The following RIMBP2 variants were observed in gnomAD, a reference collection of about 807,000 sequenced individuals.
RIMBP2 encodes RIMS binding protein 2.
A neutral mutation model predicts 118.6 loss-of-function variants in RIMBP2; 48 were observed. The ratio of observed to expected loss-of-function variants is 0.40; its 90% CI spans 0.32 to 0.51. The LOEUF (loss-of-function observed/expected upper bound fraction) is 0.51, where lower values mean the gene tolerates loss of function less well. Among genes scored for constraint, RIMBP2 ranks in the 20% least tolerant of loss-of-function variants. The probability of loss-of-function intolerance (pLI) is 0.41; values close to 1 mark genes in which losing one functional copy is unlikely to be tolerated. For missense variants in RIMBP2, 1,551 were observed against 1,768.3 expected, an observed-to-expected ratio of 0.88 and a Z score of 2.20; for synonymous variants, 762 against 742.9, an observed-to-expected ratio of 1.03 and a Z score of -0.42.
At chr12:130,467,514 C>T (rs1403790941) in intron 6 of RIMBP2, among the ~76,000 whole-genome samples, 1 of 152,232 alleles carries the variant, frequency 6.6e-6, no homozygotes, top group African/African-American at 2.4e-5. Flanking sequence ...CTAGCCACCA[C>T]ATTATCCTTA....
At chr12:130,649,105 T>C (rs910609808) in intron 1 of RIMBP2, among the ~76,000 whole-genome samples, 1 of 145,654 alleles carries the variant, frequency 6.9e-6, no homozygotes, top group East Asian at 1.9e-4. Flanking sequence ...TGGCGGCCGA[T>C]AGGCTCAGTC....
intron 6 of RIMBP2, among the ~76,000 whole-genome samples, chr12:130,464,409 A>T (rs2080272237): frequency 6.6e-6 from 1 of 152,164 alleles, no homozygotes; most frequent in African/African-American, 2.4e-5. Context: ...ACGTGATTTC[A>T]TTGATCACTG....
intron 18 of RIMBP2, 43 bp from the exon 19 acceptor site, chr12:130,412,830 G>C (rs1218763327): frequency 6.4e-7 from 1 of 1,553,402 alleles, no homozygotes; most frequent in South Asian, 1.2e-5. Context: ...GTAATTGATT[G>C]GTTCAGAAAT....
At chr12:130,509,746 G>T (rs2050728002) in intron 3 of RIMBP2, among the ~76,000 whole-genome samples, 1 of 146,060 alleles carries the variant, frequency 6.8e-6, no homozygotes, top group Admixed American at 6.7e-5. Flanking sequence ...CCCGGCAACA[G>T]CACCCACACC....
intron 1 of RIMBP2, among the ~76,000 whole-genome samples, chr12:130,629,047 C>A (rs1404405993): frequency 4.6e-5 from 7 of 152,200 alleles, no homozygotes; most frequent in African/African-American, 7.2e-5. Flanking sequence ...TATCAGTAGA[C>A]CTTCATGTTG....
intron 2 of RIMBP2, among the ~76,000 whole-genome samples, chr12:130,610,473 A>G (rs2060457170): frequency 6.6e-6 from 1 of 152,094 alleles, no homozygotes; most frequent in Admixed American, 6.5e-5. Flanking sequence ...AAACAAAAGG[A>G]TAAAAACTAA....
Position 130,517,812 on chromosome 12 carries a change from C to T in RIMBP2, c.-127+16G>A, listed in dbSNP as rs933149290. ...TCCAGGGCCCCAGATGGTCTGTGGA[C>T]AGTGGTATCAGCTACCTTGTCATGC... On this transcript the variant is annotated intron_variant, in intron 3 of 22. Transcript: ENST00000690449. The T allele has an allele frequency of 5.1e-6, 5 of 976,568 alleles. No homozygotes were observed. The highest frequency in any genetic ancestry group is 2.3e-4 in the East Asian group (2 of 8,778). The allele number at this position is 976,568 out of a possible 1,614,324, so 60.5% of individuals were successfully genotyped here. A position where few individuals can be genotyped will look rare whatever the true frequency, so the allele number is the denominator to read the frequency against.
rs1296925734 is a variant in RIMBP2 at position 130,475,966 on chromosome 12, G to A, written c.102+2946C>T. Reference sequence around the variant, plus strand: ...GCACAGTGGCATCGTCTGGCTTCCGGGTCTAAACCCGGGAGTTACCACGCA... The same window carrying A: ...GCACAGTGGCATCGTCTGGCTTCCGAGTCTAAACCCGGGAGTTACCACGCA... On this transcript the variant is annotated intron_variant, in intron 5 of 22. Transcript: ENST00000690449. This position sits in a 1 kb window ranked among gnomAD's most constrained non-coding sequence, Gnocchi z 4.1. 6.6e-6 allele frequency among the ~76,000 whole-genome samples: 1 copy of A among 152,018 alleles called. No individual in the cohort carries two copies. Among genetic ancestry groups the A allele is most frequent in the Non-Finnish European group, 1.5e-5 (1 of 68,024 alleles).
chr12:130,607,239 T>C (rs956418253), intron 2 of RIMBP2, among the ~76,000 whole-genome samples: 1 of 152,152 alleles, frequency 6.6e-6, no homozygotes. Flanking sequence ...AATCCTGTAA[T>C]GCACCTGGGC....
rs569439119 is a variant in RIMBP2 at position 130,450,463 on chromosome 12, C to T, written c.505-187G>A. On this transcript the variant is annotated intron_variant, in intron 8 of 22. Coordinates refer to ENST00000690449, the MANE Select transcript of RIMBP2 (RefSeq NM_001393629.1). The surrounding 1 kb of genome is among the most constrained non-coding windows in gnomAD (Gnocchi z 4.8). The stretch of plus-strand genomic sequence containing the variant: ...GAGCTTGGAAAGGAGGGTGGTCCCT[C>T]GGTGTGGACCCCTTATTACATAGGC... 2.6e-5 allele frequency among the ~76,000 whole-genome samples: 4 copies of T among 152,040 alleles called. No homozygotes were observed. The highest frequency in any genetic ancestry group is 3.4e-3 in the Middle Eastern group (1 of 294).
At chr12:130,626,900 C>T (rs1594092582) in intron 2 of RIMBP2, among the ~76,000 whole-genome samples, 1 of 151,724 alleles carries the variant, frequency 6.6e-6, no homozygotes, top group South Asian at 2.1e-4. Flanking sequence ...GCCGGCATCA[C>T]CACCATCTTC....
At position 130,649,236 on chromosome 12, in the gene RIMBP2, T is replaced by A. The variant is rs60603621; in HGVS notation, c.-351-20780A>T. 3.0e-3 allele frequency among the ~76,000 whole-genome samples: 345 copies of A among 116,106 alleles called. 24 individuals are homozygous for A. In the East Asian group the frequency reaches 0.06, roughly 20 times the overall value. The allele number at this position is 116,106 out of a possible 152,430, so 76.2% of individuals were successfully genotyped here. On this transcript the variant is annotated intron_variant, in intron 1 of 22. Transcript: ENST00000690449. Reference sequence around the variant, plus strand: ...CTGCAAAGCCAGCCTCTAGGCCAAGTAAGGCGCTGGAATGTGGGGCTTGCT... The same window carrying A: ...CTGCAAAGCCAGCCTCTAGGCCAAGAAAGGCGCTGGAATGTGGGGCTTGCT...
At chr12:130,468,002 C>T (rs1186702248) in intron 6 of RIMBP2, among the ~76,000 whole-genome samples, 1 of 152,158 alleles carries the variant, frequency 6.6e-6, no homozygotes, top group Non-Finnish European at 1.5e-5. Context: ...TCTGGCTGAG[C>T]ATGGAAGCAG....
chr12:130,675,272 A>G (rs2064401256), intron 1 of RIMBP2, among the ~76,000 whole-genome samples: 1 of 151,936 alleles, frequency 6.6e-6, no homozygotes, highest in African/African-American at 2.4e-5. Flanking sequence ...GCTTCTACCT[A>G]AGGCCAACCA....
In RIMBP2 at chr12:130,428,092, G is replaced by C. The variant is rs1365241970; in HGVS notation, c.2412+87C>G. On this transcript the variant is annotated intron_variant, in intron 15 of 22. Coordinates refer to ENST00000690449, the MANE Select transcript of RIMBP2 (RefSeq NM_001393629.1). The stretch of plus-strand genomic sequence containing the variant: ...CTGGTTGTAGGGCAAGGCCCCTCTG[G>C]AGCCTGCCTCACCAGCCCCAGCAAA... The C allele has an allele frequency of 2.2e-6, 3 of 1,335,866 alleles. No homozygotes were observed. The African/African-American group carries it at 4.5e-5, about 20-fold the overall frequency. The allele number at this position is 1,335,866 out of a possible 1,614,324, so 82.8% of individuals were successfully genotyped here.
At position 130,448,349 on chromosome 12, in the gene RIMBP2, G is replaced by A. The variant is rs138445281; in HGVS notation, c.581+1851C>T. On this transcript the variant is annotated intron_variant, in intron 9 of 22. Coordinates refer to ENST00000690449, the MANE Select transcript of RIMBP2 (RefSeq NM_001393629.1). The stretch of plus-strand genomic sequence containing the variant: ...GAAAAGCCATGCCCTCTCCATAGAA[G>A]TGGCAGGAACGCAAACCCAGTGGCC... Among the ~76,000 whole-genome samples the A allele has an allele frequency of 1.1e-4, 17 of 152,308 alleles. 1 individual carries two copies. In the East Asian group the frequency reaches 3.3e-3, roughly 30 times the overall value.
At chr12:130,428,614 C>A (rs1323250370) in intron 14 of RIMBP2, 1 of 304,526 alleles carries the variant, frequency 3.3e-6, no homozygotes, top group Non-Finnish European at 6.0e-6. Flanking sequence ...AGAAAACCCA[C>A]TGGGGCTTAC....
At chr12:130,568,759 G>C (rs562403315) in intron 2 of RIMBP2, among the ~76,000 whole-genome samples, 78 of 152,266 alleles carry the variant, frequency 5.1e-4, no homozygotes, top group African/African-American at 1.8e-3. Context: ...TAAATGATTT[G>C]ATACACGCTA....
chr12:130,480,367 C>A (rs2081873067), intron 4 of RIMBP2, among the ~76,000 whole-genome samples: 1 of 152,118 alleles, frequency 6.6e-6, no homozygotes. Context: ...GGAGCTGCCC[C>A]TTCCGATGGC....
Sources: gnomAD v4.1 joint callset for allele counts (sites outside exome capture counted in the v4.1 genomes callset) on GRCh38, gnomAD v4.1.1 for gene constraint, Gnocchi (gnomAD v3.1) non-coding constraint, MANE v1.5 for transcripts, NCBI Gene and HGNC (gene_info 2026-07-23, HGNC 2026-07-21) for gene names.